Variants in LYST observed in about 807,000 individuals in gnomAD.
The protein encoded by LYST is lysosomal-trafficking regulator.
LYST carries 192 observed loss-of-function variants against 413.6 expected under a neutral mutation model. That is an observed-to-expected ratio of 0.46 (90% CI 0.41 to 0.52). The LOEUF (loss-of-function observed/expected upper bound fraction) is 0.52. Ranked by LOEUF, LYST falls within the 20% of genes least tolerant of loss-of-function variation. The pLI is 0.00. For missense variants in LYST, 3,815 were observed against 4,499.9 expected (o/e 0.85, Z 4.35); for synonymous variants, 1,525 against 1,567.3 (o/e 0.97, Z 0.64).
chr1:235,699,391 T>C (rs1301137389), intron 45 of LYST, among the ~76,000 whole-genome samples: 2 of 152,218 alleles, frequency 1.3e-5, no homozygotes, highest in South Asian at 2.1e-4. Flanking sequence ...TCCAGCTTCA[T>C]CCATGTCCCT....
chr1:235,774,530 G>T (rs1409152628), intron 18 of LYST, among the ~76,000 whole-genome samples: 1 of 152,138 alleles, frequency 6.6e-6, no homozygotes, highest in African/African-American at 2.4e-5. Context: ...CTCTGTAGCA[G>T]CAGTGCCTAA....
intron 1 of LYST, among the ~76,000 whole-genome samples, chr1:235,873,786 A>T (rs1371670851): frequency 6.6e-6 from 1 of 152,240 alleles, no homozygotes; most frequent in Non-Finnish European, 1.5e-5. Flanking sequence ...TTGGAAGAGC[A>T]AACTAAATCT....
rs111764031 is a variant in LYST, at chr1:235,757,274, C to T, written c.7059+7G>A. 1.2e-3 allele frequency: 1,863 copies of T among 1,601,264 alleles called. 27 individuals are homozygous for T. The African/African-American group carries it at 0.018, about 16-fold the overall frequency. On this transcript the variant is annotated splice_region_variant and intron_variant, in intron 24 of 52. Coordinates refer to ENST00000389793, the MANE Select transcript of LYST (RefSeq NM_000081.4). ...ATTAAAATAACATATCTAGTATTTG[C>T]CCTTACTTTAATAACACCTTGTTGT...
chr1:235,775,833 G>T (rs1669180466), intron 17 of LYST, among the ~76,000 whole-genome samples: 1 of 152,102 alleles, frequency 6.6e-6, no homozygotes, highest in South Asian at 2.1e-4. Context: ...GGATTGTAGA[G>T]ACCAGGTTCA....
intron 10 of LYST, among the ~76,000 whole-genome samples, chr1:235,797,321 C>G (rs988546544): frequency 1.3e-5 from 2 of 152,160 alleles, no homozygotes; most frequent in African/African-American, 4.8e-5. Context: ...AGTAACTTTA[C>G]AGTGGAGAGA....
At chr1:235,691,697 C>CTTTTTTTTTTTTTTTTTTTTTTTTTTT (rs774558822) in intron 47 of LYST, among the ~76,000 whole-genome samples, 2 of 138,204 alleles carry the variant, frequency 1.4e-5, no homozygotes. Flanking sequence ...ATCAGATTCT[C>CTTTTTTTTTTTTTTTTTTTTTTTTTTT]TCTTTTTTTT....
intron 48 of LYST, among the ~76,000 whole-genome samples, chr1:235,680,551 CCA>C (rs1659728019): frequency 6.6e-6 from 1 of 152,026 alleles, no homozygotes. Flanking sequence ...CAGGCATGAA[CCA>C]CTGTGACTGG....
rs778108082 is a variant in LYST, at chr1:235,746,364, A to G, written c.7944T>C (p.Val2648=). ...GATAAATAATCCTGTTGACTGCTAAAACAGTGAGCCTCTGTAGTCTCTGCG... is the reference window on the plus strand; with the variant it reads ...GATAAATAATCCTGTTGACTGCTAAGACAGTGAGCCTCTGTAGTCTCTGCG... ...ELAQRLQRLT[V]LAVNRIIYQE... is the part of the protein sequence containing the mutation. The change falls in exon 29 of 53, where the codon GTT becomes GTC. Residue 2648 remains valine (V), a synonymous_variant. Transcript: ENST00000389793. 3 of 1,613,786 alleles carry G rather than the reference A, an allele frequency of 1.9e-6. No individual in the cohort carries two copies. In the Admixed American group the frequency reaches 5.0e-5, roughly 27 times the overall value.
chr1:235,809,055 G>C lies in LYST; in HGVS notation c.1763C>G (p.Pro588Arg). 5 of 1,614,024 alleles carry C rather than the reference G, an allele frequency of 3.1e-6. No homozygotes were observed. Among genetic ancestry groups the C allele is most frequent in the Non-Finnish European group, 4.2e-6 (5 of 1,179,974 alleles). Reference protein sequence around the residue: ...HNIGICCCMDPKSVIIPLLHA... With the variant: ...HNIGICCCMDRKSVIIPLLHA... ...GAGCAAAGGAATGATTACAGATTTG[G>C]GATCCATACAACAGCATATTCCAAT... Residue 588 changes from proline to arginine, a missense_variant, in exon 5 of 53, where the codon CCC becomes CGC. Coordinates refer to ENST00000389793, the MANE Select transcript of LYST (RefSeq NM_000081.4). The surrounding 1 kb of genome is among the most constrained non-coding windows in gnomAD (Gnocchi z 4.0).
chr1:235,768,087 T>C (rs7521298), intron 20 of LYST, among the ~76,000 whole-genome samples: 8,253 of 152,198 alleles, frequency 0.054, 761 homozygotes, highest in African/African-American at 0.19. Flanking sequence ...CGTTTCTCTG[T>C]CTTGGAGTGC....
At chr1:235,862,808 C>CAA (rs1179977475) in intron 1 of LYST, among the ~76,000 whole-genome samples, 71 of 33,564 alleles carry the variant, frequency 2.1e-3, no homozygotes, top group Middle Eastern at 0.012. Context: ...AACAAACAAA[C>CAA]ACACACACAC....
chr1:235,695,510 G>A (rs1315040502), intron 46 of LYST, among the ~76,000 whole-genome samples: 1 of 152,172 alleles, frequency 6.6e-6, no homozygotes, highest in African/African-American at 2.4e-5. Flanking sequence ...GTTCATGACT[G>A]TAGTGGCACA....
intron 44 of LYST, among the ~76,000 whole-genome samples, chr1:235,706,903 G>A (rs1031527620): frequency 6.6e-6 from 1 of 152,064 alleles, no homozygotes; most frequent in Non-Finnish European, 1.5e-5. Context: ...AGCTACTTTT[G>A]GGGAATGGAC....
At chr1:235,824,619 A>C (rs1448424049) in intron 3 of LYST, among the ~76,000 whole-genome samples, 2 of 152,262 alleles carry the variant, frequency 1.3e-5, no homozygotes, top group Non-Finnish European at 2.9e-5. Flanking sequence ...CATTAAAAAG[A>C]ATGTTTTTGA....
intron 19 of LYST, among the ~76,000 whole-genome samples, chr1:235,771,579 A>G (rs1462204416): frequency 2.7e-5 from 3 of 110,022 alleles, no homozygotes; most frequent in Non-Finnish European, 5.2e-5. Flanking sequence ...AATATTACAC[A>G]TATTTTAATC....
At chr1:235,756,486 T>C (rs370042884) in intron 24 of LYST, among the ~76,000 whole-genome samples, 3 of 152,274 alleles carry the variant, frequency 2.0e-5, no homozygotes, top group East Asian at 3.9e-4. Flanking sequence ...TATACTATAT[T>C]GCAACTAGCT....
intron 1 of LYST, among the ~76,000 whole-genome samples, chr1:235,864,295 T>G (rs1680239039): frequency 1.3e-5 from 2 of 152,118 alleles, no homozygotes; most frequent in Non-Finnish European, 2.9e-5. Context: ...ATTTTTTTCT[T>G]TAAAAACGTG....
chr1:235,881,969 T>G (rs1020153951), intron 1 of LYST, among the ~76,000 whole-genome samples: 1 of 152,130 alleles, frequency 6.6e-6, no homozygotes, highest in African/African-American at 2.4e-5. Flanking sequence ...AATGTGAATG[T>G]ACAGTTAATG....
At chr1:235,880,813 G>T (rs1681343494) in intron 1 of LYST, among the ~76,000 whole-genome samples, 1 of 152,120 alleles carries the variant, frequency 6.6e-6, no homozygotes, top group Non-Finnish European at 1.5e-5. Context: ...AAGTATTGCT[G>T]CATTTTTTCC....
Sources: gnomAD v4.1 joint callset for allele counts (sites outside exome capture counted in the v4.1 genomes callset) on GRCh38, gnomAD v4.1.1 for gene constraint, Gnocchi (gnomAD v3.1) non-coding constraint, MANE v1.5 for transcripts, NCBI Gene and HGNC (gene_info 2026-07-23, HGNC 2026-07-21) for gene names.